The following ZNRF2 variants were observed in gnomAD, a reference collection of about 807,000 sequenced individuals.
ZNRF2 encodes the protein E3 ubiquitin-protein ligase ZNRF2.
Under a neutral mutation model 20.4 loss-of-function variants are expected in ZNRF2, and 16 were observed. The ratio of observed to expected loss-of-function variants is 0.79; its 90% CI spans 0.53 to 1.19. The LOEUF (loss-of-function observed/expected upper bound fraction) is 1.19. ZNRF2 is among the 50% of genes most tolerant of loss of function. The pLI, the probability that ZNRF2 is intolerant of heterozygous loss-of-function variation, is 0.00. For missense variants in ZNRF2, 363 were observed against 332.4 expected, an observed-to-expected ratio of 1.09 and a Z score of -0.72; for synonymous variants, 178 against 144.9, an observed-to-expected ratio of 1.23 and a Z score of -1.64.
In ZNRF2 at chr7:30,284,962, G is replaced by C. The variant is rs1225028693; in HGVS notation, c.-396G>C. 3 of 294,836 alleles carry C rather than the reference G, an allele frequency of 1.0e-5. No homozygotes were observed. Among genetic ancestry groups the C allele is most frequent in the Non-Finnish European group, 2.0e-5 (3 of 147,464 alleles). The allele number at this position is 294,836 out of a possible 1,614,324, so 18.3% of individuals were successfully genotyped here. ...GGCGGTAGCAGCGGCCGCCCGAGAG[G>C]AGGCGGTGCCGAGATCGGGGGCGCC... On this transcript the variant is annotated 5_prime_UTR_variant, in exon 1 of 5. Transcript: ENST00000323037.
chr7:30,338,955 A>G (rs1799756427), intron 2 of ZNRF2, among the ~76,000 whole-genome samples: 2 of 152,306 alleles, frequency 1.3e-5, no homozygotes, highest in South Asian at 4.1e-4. Context: ...CATTTTAATG[A>G]TCGCCATTCT....
chr7:30,332,444 A>C (rs1158367624), intron 2 of ZNRF2, among the ~76,000 whole-genome samples: 6 of 152,128 alleles, frequency 3.9e-5, no homozygotes, highest in Non-Finnish European at 8.8e-5. Flanking sequence ...TAATGCTGGG[A>C]TTTGGGCTTC....
intron 1 of ZNRF2, among the ~76,000 whole-genome samples, chr7:30,290,741 C>G (rs1291362304): frequency 6.6e-6 from 1 of 152,164 alleles, no homozygotes; most frequent in African/African-American, 2.4e-5. Context: ...TTCTTTCTGC[C>G]ACATGGATTA....
chr7:30,299,225 C>G (rs371333838), intron 1 of ZNRF2, among the ~76,000 whole-genome samples: 2 of 151,940 alleles, frequency 1.3e-5, no homozygotes, highest in African/African-American at 4.8e-5. Flanking sequence ...GTCAGGAGTT[C>G]GAGACCAGCC....
chr7:30,314,071 G>T (rs1562609616), intron 1 of ZNRF2, among the ~76,000 whole-genome samples: 1 of 152,078 alleles, frequency 6.6e-6, no homozygotes, highest in Admixed American at 6.5e-5. Context: ...TGTGAATAGT[G>T]GTTTAGTTCT....
chr7:30,287,976 G>C (rs1798824559), intron 1 of ZNRF2, among the ~76,000 whole-genome samples: 2 of 152,192 alleles, frequency 1.3e-5, no homozygotes, highest in South Asian at 4.1e-4. Flanking sequence ...TCAGATGAAA[G>C]TGCCACATCC....
At chr7:30,343,659 T>G (rs1450518820) in intron 2 of ZNRF2, among the ~76,000 whole-genome samples, 1 of 151,836 alleles carries the variant, frequency 6.6e-6, no homozygotes, top group Non-Finnish European at 1.5e-5. Flanking sequence ...ATTCATTCTT[T>G]CTTTTAGTTT....
chr7:30,296,684 G>C (rs1799024912), intron 1 of ZNRF2, among the ~76,000 whole-genome samples: 1 of 152,056 alleles, frequency 6.6e-6, no homozygotes, highest in African/African-American at 2.4e-5. Flanking sequence ...AACTCCTTTT[G>C]TCCACTCTTC....
At position 30,285,390 on chromosome 7, in the gene ZNRF2, T is replaced by C. The variant is rs981415364; in HGVS notation, c.33T>C (p.Ala11=). 2.8e-5 allele frequency: 35 copies of C among 1,248,696 alleles called. 1 individual carries two copies. The African/African-American group carries it at 4.9e-4, about 18-fold the overall frequency. 77.4% of individuals were successfully genotyped at this position (1,248,696 alleles called of 1,614,324 possible). A position where few individuals can be genotyped will look rare whatever the true frequency, so the allele number is the denominator to read the frequency against. ...CCAAACAGAGCGGCCCGGCCGCCGC[T>C]AACGGCCGCACGCGCGCGTACTCGG... MGAKQSGPAA[A]NGRTRAYSGS... is the part of the protein sequence containing the mutation. The change falls in exon 1 of 5, where the codon GCT becomes GCC. Residue 11 remains alanine (A), a synonymous_variant. Coordinates refer to ENST00000323037, the MANE Select transcript of ZNRF2 (RefSeq NM_147128.4).
intron 1 of ZNRF2, among the ~76,000 whole-genome samples, chr7:30,318,252 A>G (rs746403614): frequency 2.6e-5 from 4 of 152,194 alleles, no homozygotes; most frequent in Non-Finnish European, 5.9e-5. Context: ...GAGTCCAAAC[A>G]TCTGGCATCT....
intron 1 of ZNRF2, among the ~76,000 whole-genome samples, chr7:30,315,790 A>G (rs1191142257): frequency 6.6e-6 from 1 of 151,020 alleles, no homozygotes; most frequent in African/African-American, 2.4e-5. Context: ...CTTGTAAGAC[A>G]TTTAATGAGT....
At chr7:30,297,241 G>C (rs982647357) in intron 1 of ZNRF2, among the ~76,000 whole-genome samples, 1 of 152,048 alleles carries the variant, frequency 6.6e-6, no homozygotes, top group African/African-American at 2.4e-5. Flanking sequence ...AGTCTCTTTT[G>C]AGACCCTCTG....
At chr7:30,365,100 TAGC>T (rs1264134628) in intron 4 of ZNRF2, among the ~76,000 whole-genome samples, 1 of 150,102 alleles carries the variant, frequency 6.7e-6, no homozygotes, top group Non-Finnish European at 1.5e-5. Flanking sequence ...GGTTTTAACA[TAGC>T]AATTTTGGGA....
intron 2 of ZNRF2, among the ~76,000 whole-genome samples, chr7:30,329,743 C>T (rs1231982712): frequency 6.6e-6 from 1 of 152,108 alleles, no homozygotes; most frequent in Non-Finnish European, 1.5e-5. Flanking sequence ...TCTTGGTTAT[C>T]GTGAATAGTG....
At chr7:30,357,864 A>G (rs1432461553) in intron 3 of ZNRF2, among the ~76,000 whole-genome samples, 1 of 152,194 alleles carries the variant, frequency 6.6e-6, no homozygotes, top group Non-Finnish European at 1.5e-5. Context: ...TATAAACTTG[A>G]TACAAACTCA....
intron 1 of ZNRF2, among the ~76,000 whole-genome samples, chr7:30,318,949 T>G (rs1799418957): frequency 6.6e-6 from 1 of 151,834 alleles, no homozygotes; most frequent in Non-Finnish European, 1.5e-5. Flanking sequence ...CCATCTCTAC[T>G]AAAAATACAA....
At chr7:30,324,131 T>C (rs1799515677) in intron 2 of ZNRF2, among the ~76,000 whole-genome samples, 1 of 152,126 alleles carries the variant, frequency 6.6e-6, no homozygotes, top group African/African-American at 2.4e-5. Flanking sequence ...ATATCAGGCT[T>C]CATGACAAGG....
At chr7:30,334,381 G>A (rs1021185677) in intron 2 of ZNRF2, among the ~76,000 whole-genome samples, 5 of 152,122 alleles carry the variant, frequency 3.3e-5, no homozygotes, top group Admixed American at 1.3e-4. Flanking sequence ...GCACCATGAT[G>A]TTTCGGTTCC....
intron 2 of ZNRF2, among the ~76,000 whole-genome samples, chr7:30,349,220 A>G (rs1429575333): frequency 6.6e-6 from 1 of 152,120 alleles, no homozygotes; most frequent in Non-Finnish European, 1.5e-5. Context: ...ATCACTTGCA[A>G]TTTATTTTAT....
Sources: gnomAD v4.1 joint callset for allele counts (sites outside exome capture counted in the v4.1 genomes callset) on GRCh38, gnomAD v4.1.1 for gene constraint, MANE v1.5 for transcripts, NCBI Gene and HGNC (gene_info 2026-07-23, HGNC 2026-07-21) for gene names.